PTPRG: variants seen among roughly 807,000 people sequenced by gnomAD.
The protein encoded by PTPRG is protein tyrosine phosphatase receptor type G.
PTPRG carries 102 observed loss-of-function variants against 165.3 expected under a neutral mutation model. The ratio of observed to expected loss-of-function variants is 0.62; its 90% confidence interval spans 0.53 to 0.73. The LOEUF (loss-of-function observed/expected upper bound fraction) is 0.73, where lower values mean the gene tolerates loss of function less well. PTPRG is among the 30% of genes least tolerant of loss of function. The pLI is 0.00. For synonymous variants in PTPRG, 675 were observed against 669.5 expected (o/e 1.01, Z -0.13); for missense variants, 1,866 against 1,861.4 (o/e 1.00, Z -0.05).
intron 2 of PTPRG, among the ~76,000 whole-genome samples, chr3:61,853,028 A>C: frequency 6.6e-6 from 1 of 152,306 alleles, no homozygotes; most frequent in East Asian, 1.9e-4. Flanking sequence ...ATTTCTTTGT[A>C]ACAGCTGTTG....
intron 2 of PTPRG, among the ~76,000 whole-genome samples, chr3:61,840,093 C>T (rs1417628366): frequency 6.6e-6 from 1 of 152,026 alleles, no homozygotes; most frequent in African/African-American, 2.4e-5. Flanking sequence ...TAGATGTGTG[C>T]CTGCATTTTC....
At chr3:61,831,928 G>C (rs1323863973) in intron 2 of PTPRG, among the ~76,000 whole-genome samples, 1 of 152,082 alleles carries the variant, frequency 6.6e-6, no homozygotes, top group Non-Finnish European at 1.5e-5. Flanking sequence ...ACTTAAAAGA[G>C]AATAAACAAC....
chr3:61,830,566 G>GTTTTTTTTTTTTTTT (rs57644199), intron 2 of PTPRG, among the ~76,000 whole-genome samples: 152 of 86,470 alleles, frequency 1.8e-3, no homozygotes, highest in Non-Finnish European at 2.5e-3. Flanking sequence ...TTTTGTTTTT[G>GTTTTTTTTTTTTTTT]TTTTTTTTTT....
intron 1 of PTPRG, among the ~76,000 whole-genome samples, chr3:61,586,744 G>A (rs1024611933): frequency 6.6e-6 from 1 of 152,180 alleles, no homozygotes; most frequent in Non-Finnish European, 1.5e-5. Context: ...ATTTGTTTCG[G>A]GGCTGCCTCC....
chr3:61,701,914 A>AGAGGAAGGAGAGG (rs2030984244), intron 1 of PTPRG, among the ~76,000 whole-genome samples: 1 of 152,114 alleles, frequency 6.6e-6, no homozygotes, highest in Non-Finnish European at 1.5e-5. Context: ...GGGAAGAGAA[A>AGAGGAAGGAGAGG]GAGGAAGGAG....
intron 8 of PTPRG, among the ~76,000 whole-genome samples, chr3:62,181,538 G>T (rs1042393658): frequency 1.3e-5 from 2 of 152,050 alleles, no homozygotes; most frequent in Non-Finnish European, 2.9e-5. Context: ...CCAAGTTTAG[G>T]TCAGGGTTCC....
At chr3:62,211,292 A>G (rs1398914659) in intron 12 of PTPRG, among the ~76,000 whole-genome samples, 1 of 152,358 alleles carries the variant, frequency 6.6e-6, no homozygotes, top group Admixed American at 6.5e-5. Context: ...ACCTATATCT[A>G]GCATAGTCAA....
chr3:62,178,136 A>AGGAT (rs66547961), intron 8 of PTPRG, among the ~76,000 whole-genome samples: 50,500 of 141,436 alleles, frequency 0.36, 9,331 homozygotes, highest in Middle Eastern at 0.43. Context: ...AATGGATGGG[A>AGGAT]GGATGGATGG....
At chr3:61,570,137 T>C (rs531641386) in intron 1 of PTPRG, among the ~76,000 whole-genome samples, 1 of 152,280 alleles carries the variant, frequency 6.6e-6, no homozygotes, top group East Asian at 1.9e-4. Flanking sequence ...TTGCTTTTAT[T>C]TTACACTTGT....
chr3:61,573,957 T>C (rs1321355842), intron 1 of PTPRG, among the ~76,000 whole-genome samples: 2 of 152,186 alleles, frequency 1.3e-5, no homozygotes. Context: ...AGAACGGGAT[T>C]CCATTCTAAT....
intron 1 of PTPRG, among the ~76,000 whole-genome samples, chr3:61,607,114 T>G (rs962068643): frequency 1.3e-5 from 2 of 152,166 alleles, no homozygotes; most frequent in Non-Finnish European, 2.9e-5. Flanking sequence ...GGATAACACA[T>G]GCCCACTTTG....
At chr3:62,287,802 A>C (rs1456729849) in intron 28 of PTPRG, among the ~76,000 whole-genome samples, 2 of 152,180 alleles carry the variant, frequency 1.3e-5, no homozygotes, top group Non-Finnish European at 2.9e-5. Flanking sequence ...CACCCAAGAG[A>C]GACTGCACAG....
chr3:61,685,578 C>T (rs1398010404), intron 1 of PTPRG, among the ~76,000 whole-genome samples: 1 of 152,198 alleles, frequency 6.6e-6, no homozygotes, highest in Non-Finnish European at 1.5e-5. Context: ...CAGCCCTTGG[C>T]TGGGGAAGAG....
chr3:61,566,168 A>G (rs940994187), intron 1 of PTPRG, among the ~76,000 whole-genome samples: 1 of 152,232 alleles, frequency 6.6e-6, no homozygotes, highest in Non-Finnish European at 1.5e-5. Context: ...GAAAGGTCAT[A>G]GGAAGGGTTG....
intron 1 of PTPRG, among the ~76,000 whole-genome samples, chr3:61,572,598 G>C (rs1700082422): frequency 6.6e-6 from 1 of 152,040 alleles, no homozygotes; most frequent in Non-Finnish European, 1.5e-5. Flanking sequence ...CAAGTTTCTG[G>C]GTGCCTAGAG....
chr3:61,836,062 C>CCA (rs2036450402), intron 2 of PTPRG, among the ~76,000 whole-genome samples: 1 of 103,628 alleles, frequency 9.6e-6, no homozygotes, highest in African/African-American at 3.5e-5. Context: ...CCCCCCCCAC[C>CCA]AAAAAAAAAA....
chr3:61,958,641 G>A (rs931481835), intron 2 of PTPRG, among the ~76,000 whole-genome samples: 2 of 152,134 alleles, frequency 1.3e-5, no homozygotes, highest in African/African-American at 4.8e-5. Context: ...CCTTACATAA[G>A]TTCTCTTTAT....
At chr3:62,283,973 T>C (rs1702546028) in intron 28 of PTPRG, among the ~76,000 whole-genome samples, 1 of 152,068 alleles carries the variant, frequency 6.6e-6, no homozygotes. Flanking sequence ...CCATCAACAG[T>C]GTTTAAATAG....
chr3:62,136,765 G>GA (rs1703723930), intron 6 of PTPRG, among the ~76,000 whole-genome samples: 2 of 152,186 alleles, frequency 1.3e-5, no homozygotes, highest in African/African-American at 4.8e-5. Context: ...GCCGCCATGT[G>GA]AGACATGCCT....
Sources: gnomAD v4.1 joint callset for allele counts (sites outside exome capture counted in the v4.1 genomes callset) on GRCh38, gnomAD v4.1.1 for gene constraint, MANE v1.5 for transcripts, NCBI Gene and HGNC (gene_info 2026-07-23, HGNC 2026-07-21) for gene names.